The following LINGO2 variants were observed in gnomAD, a reference collection of about 807,000 sequenced individuals.
The protein encoded by LINGO2 is leucine rich repeat and Ig domain containing 2.
Under a neutral mutation model 30.6 loss-of-function variants are expected in LINGO2, and 14 were observed. The ratio of observed to expected loss-of-function variants is 0.46; its 90% CI spans 0.30 to 0.72. The LOEUF is 0.72. Ranked by LOEUF, LINGO2 falls within the 30% of genes least tolerant of loss-of-function variation. LINGO2 has a pLI of 0.07. For synonymous variants in LINGO2, 317 were observed against 288.5 expected, an observed-to-expected ratio of 1.10 and a Z score of -1.00; for missense variants, 729 against 751.7, an observed-to-expected ratio of 0.97 and a Z score of 0.35.
chr9:28,345,565 T>C (rs1186202500), intron 3 of LINGO2, among the ~76,000 whole-genome samples: 2 of 152,332 alleles, frequency 1.3e-5, no homozygotes, highest in South Asian at 2.1e-4. Context: ...AATGTTGACC[T>C]ACTCAAGTTT....
the LINGO2 span, among the ~76,000 whole-genome samples, chr9:29,109,471 T>C: frequency 2.0e-5 from 3 of 152,170 alleles, no homozygotes; most frequent in East Asian, 1.9e-4. Flanking sequence ...TCCATGCAAT[T>C]TGGGGAAGCA....
At chr9:28,342,842 G>A (rs1819403631) in intron 3 of LINGO2, among the ~76,000 whole-genome samples, 1 of 152,182 alleles carries the variant, frequency 6.6e-6, no homozygotes, top group Middle Eastern at 3.4e-3. Context: ...TCTGTTAAGT[G>A]AGCATTTTCT....
the LINGO2 span, among the ~76,000 whole-genome samples, chr9:29,141,723 A>T: frequency 4.3e-3 from 651 of 152,008 alleles, 3 homozygotes; most frequent in Non-Finnish European, 5.9e-3. Flanking sequence ...TTCCACACAA[A>T]TGTTAACAAA....
intron 4 of LINGO2, among the ~76,000 whole-genome samples, chr9:28,256,886 T>A (rs1247250638): frequency 1.3e-5 from 2 of 151,932 alleles, no homozygotes; most frequent in African/African-American, 4.8e-5. Context: ...CTCCCAGAAA[T>A]TTTAAATATA....
the LINGO2 span, among the ~76,000 whole-genome samples, chr9:28,989,794 G>A: frequency 1.3e-5 from 2 of 152,122 alleles, no homozygotes; most frequent in African/African-American, 4.8e-5. Context: ...TTAAGTTTTA[G>A]AAAGTGGAAC....
the LINGO2 span, among the ~76,000 whole-genome samples, chr9:28,799,379 G>A: frequency 6.6e-6 from 1 of 152,070 alleles, no homozygotes; most frequent in Non-Finnish European, 1.5e-5. Context: ...GTGATATGAA[G>A]GGGTGTGAAA....
chr9:28,060,620 A>G lies in LINGO2; in HGVS notation c.-86-48215T>C, dbSNP rs116093599. Among the ~76,000 whole-genome samples the G allele has an allele frequency of 6.4e-3, 972 of 152,278 alleles. 18 individuals are homozygous for G. Among genetic ancestry groups the G allele is most frequent in the African/African-American group, 0.022 (897 of 41,566 alleles). ...ATTATTATTATACAACCCTGCCTCA[A>G]CGACAGGCTAACTTTCCCTGCCCTC... On this transcript the variant is annotated intron_variant, in intron 4 of 5. Transcript: ENST00000379992.
chr9:28,258,907 A>C (rs557361171), intron 4 of LINGO2, among the ~76,000 whole-genome samples: 1 of 140,226 alleles, frequency 7.1e-6, no homozygotes, highest in African/African-American at 2.5e-5. Context: ...TGGTGCAGTG[A>C]ATATTTCATA....
At chr9:28,937,296 A>G in the LINGO2 span, among the ~76,000 whole-genome samples, 1 of 152,198 alleles carries the variant, frequency 6.6e-6, no homozygotes, top group Non-Finnish European at 1.5e-5. Flanking sequence ...CTTGAGAGGC[A>G]GCATTTGAAA....
At chr9:28,453,835 T>A (rs941126123) in intron 2 of LINGO2, among the ~76,000 whole-genome samples, 85 of 151,984 alleles carry the variant, frequency 5.6e-4, no homozygotes, top group African/African-American at 2.0e-3. Context: ...AGTGTCAGTG[T>A]CTTTAGAGTT....
chr9:28,995,525 T>C, the LINGO2 span, among the ~76,000 whole-genome samples: 3,125 of 152,200 alleles, frequency 0.021, 87 homozygotes, highest in African/African-American at 0.07. Flanking sequence ...ACTGGGTATA[T>C]ACCCAAAGGA....
intron 4 of LINGO2, among the ~76,000 whole-genome samples, chr9:28,096,314 C>T (rs1826240946): frequency 6.6e-6 from 1 of 152,098 alleles, no homozygotes; most frequent in Non-Finnish European, 1.5e-5. Flanking sequence ...ATTAATAATG[C>T]ATTAGACACA....
chr9:28,460,940 C>T (rs1825056094), intron 2 of LINGO2, among the ~76,000 whole-genome samples: 1 of 152,066 alleles, frequency 6.6e-6, no homozygotes, highest in Non-Finnish European at 1.5e-5. Flanking sequence ...TTTAGTTCAA[C>T]CTAACTTTTT....
chr9:27,993,275 A>G (rs1312972706), intron 5 of LINGO2, among the ~76,000 whole-genome samples: 2 of 151,928 alleles, frequency 1.3e-5, no homozygotes, highest in Non-Finnish European at 2.9e-5. Context: ...TTCTTTGTTG[A>G]GGTAATATTT....
the LINGO2 span, among the ~76,000 whole-genome samples, chr9:28,893,320 C>G: frequency 6.6e-6 from 1 of 152,144 alleles, no homozygotes; most frequent in South Asian, 2.1e-4. Context: ...GGACATCTGA[C>G]TATTTTTAAT....
intron 3 of LINGO2, among the ~76,000 whole-genome samples, chr9:28,368,136 A>G (rs532176841): frequency 2.9e-4 from 44 of 152,218 alleles, no homozygotes; most frequent in African/African-American, 1.0e-3. Context: ...ACAGTATTAT[A>G]GCCTTTCCAT....
At chr9:28,383,254 TTGTGTGTGTG>T (rs3065590) in intron 2 of LINGO2, among the ~76,000 whole-genome samples, 7 of 73,710 alleles carry the variant, frequency 9.5e-5, no homozygotes, top group African/African-American at 1.4e-4. Context: ...TCACCATTCA[TTGTGTGTGTG>T]TGTGTGTGTG....
At chr9:28,228,392 T>C (rs112596720) in intron 4 of LINGO2, among the ~76,000 whole-genome samples, 81 of 152,154 alleles carry the variant, frequency 5.3e-4, no homozygotes, top group South Asian at 1.0e-3. Flanking sequence ...ACGAACTAAA[T>C]CAGATCCATT....
chr9:28,459,941 C>T (rs1363191228), intron 2 of LINGO2, among the ~76,000 whole-genome samples: 4 of 151,954 alleles, frequency 2.6e-5, no homozygotes, highest in Non-Finnish European at 5.9e-5. Flanking sequence ...TAGTTGATTT[C>T]AAAAAATTAT....
Sources: gnomAD v4.1 joint callset for allele counts (sites outside exome capture counted in the v4.1 genomes callset) on GRCh38, gnomAD v4.1.1 for gene constraint, MANE v1.5 for transcripts, NCBI Gene and HGNC (gene_info 2026-07-23, HGNC 2026-07-21) for gene names.